Variants in LRRC49 observed in about 807,000 individuals in gnomAD.
LRRC49 encodes the protein leucine-rich repeat-containing protein 49.
Under a neutral mutation model 83.3 loss-of-function variants are expected in LRRC49, and 50 were observed. That is an observed-to-expected ratio of 0.60 (90% CI 0.48 to 0.76). LRRC49 has a LOEUF of 0.76. Among genes scored for constraint, LRRC49 ranks in the 30% least tolerant of loss-of-function variants. The probability of loss-of-function intolerance (pLI) is 0.00; values close to 1 mark genes in which losing one functional copy is unlikely to be tolerated. For synonymous variants in LRRC49, 286 were observed against 283.3 expected (o/e 1.01, Z -0.10); for missense variants, 704 against 809.1 (o/e 0.87, Z 1.58).
At chr15:70,907,217 T>C (rs1464532244) in intron 5 of LRRC49, among the ~76,000 whole-genome samples, 1 of 152,232 alleles carries the variant, frequency 6.6e-6, no homozygotes, top group Non-Finnish European at 1.5e-5. Flanking sequence ...TTGCTTCCTG[T>C]TGGTCAAGTT....
At chr15:71,037,954 T>A (rs2039575827) in intron 15 of LRRC49, among the ~76,000 whole-genome samples, 1 of 152,274 alleles carries the variant, frequency 6.6e-6, no homozygotes, top group South Asian at 2.1e-4. Flanking sequence ...AAGAAAACTA[T>A]GTAGTATTTA....
intron 11 of LRRC49, among the ~76,000 whole-genome samples, chr15:70,986,923 A>G (rs2037644091): frequency 6.6e-6 from 1 of 152,136 alleles, no homozygotes; most frequent in Non-Finnish European, 1.5e-5. Flanking sequence ...TTCTGTTTAT[A>G]TGCTGGATTA....
intron 2 of LRRC49, among the ~76,000 whole-genome samples, chr15:70,886,579 A>G (rs1372862466): frequency 2.6e-5 from 4 of 152,196 alleles, no homozygotes; most frequent in Non-Finnish European, 4.4e-5. Context: ...ATAAAAATTG[A>G]TAAACCGGTG....
At chr15:71,019,543 T>C (rs1282004039) in intron 14 of LRRC49, among the ~76,000 whole-genome samples, 3 of 152,168 alleles carry the variant, frequency 2.0e-5, no homozygotes, top group African/African-American at 4.8e-5. Context: ...CAGGGCTCCA[T>C]CTAAAATGGT....
At chr15:70,900,510 G>T (rs780097912) in intron 3 of LRRC49, 1 of 456,878 alleles carries the variant, frequency 2.2e-6, no homozygotes, top group Non-Finnish European at 4.4e-6. Context: ...AGCATTTGGA[G>T]ATTCTTCCAT....
chr15:70,894,525 A>G (rs2033745892), intron 2 of LRRC49: 2 of 729,448 alleles, frequency 2.7e-6, no homozygotes, highest in Admixed American at 3.4e-5. Context: ...TTAATTTTTG[A>G]GATTTTGAGA....
intron 11 of LRRC49, among the ~76,000 whole-genome samples, chr15:71,007,832 CTG>C (rs1246321372): frequency 6.6e-6 from 1 of 150,510 alleles, no homozygotes; most frequent in Non-Finnish European, 1.5e-5. Context: ...CTGATTATAA[CTG>C]TAGTATACAC....
chr15:70,891,567 CTGTGTGTGTGTGTGTGTGTGTGTGTGTG>C (rs3220843), upstream of LRRC49, among the ~76,000 whole-genome samples: 6 of 137,138 alleles, frequency 4.4e-5, no homozygotes, highest in South Asian at 2.5e-4. Context: ...GGACAAGACT[CTGTGTGTGTGTGTGTGTGTGTGTGTGTG>C]TGTGTGTGTG....
At chr15:70,922,199 T>G (rs2035032252) in intron 7 of LRRC49, among the ~76,000 whole-genome samples, 1 of 152,130 alleles carries the variant, frequency 6.6e-6, no homozygotes, top group African/African-American at 2.4e-5. Flanking sequence ...AGAAAGGAAG[T>G]CAGGACATGG....
At chr15:70,985,744 A>C (rs946933897) in intron 11 of LRRC49, among the ~76,000 whole-genome samples, 3 of 150,474 alleles carry the variant, frequency 2.0e-5, no homozygotes, top group African/African-American at 7.4e-5. Flanking sequence ...GTTTTCTTCT[A>C]GGGTTTTTAT....
At chr15:70,860,132 G>A (rs2032752588) in intron 1 of LRRC49, 2 of 699,434 alleles carry the variant, frequency 2.9e-6, no homozygotes, top group South Asian at 3.2e-5. Context: ...GGAAGCTGGT[G>A]TCCAAGTCCT....
intron 14 of LRRC49, among the ~76,000 whole-genome samples, chr15:71,036,302 T>C (rs1344658958): frequency 6.6e-6 from 1 of 152,136 alleles, no homozygotes; most frequent in Non-Finnish European, 1.5e-5. Flanking sequence ...CCTTTTCAAA[T>C]ATGAACATTA....
At chr15:71,025,473 A>G (rs1567105662) in intron 14 of LRRC49, among the ~76,000 whole-genome samples, 1 of 152,214 alleles carries the variant, frequency 6.6e-6, no homozygotes, top group Admixed American at 6.5e-5. Flanking sequence ...TCTGCAAAAT[A>G]ACCAGCTAGC....
intron 11 of LRRC49, among the ~76,000 whole-genome samples, chr15:70,988,366 A>T (rs2037717586): frequency 6.8e-6 from 1 of 146,590 alleles, no homozygotes; most frequent in African/African-American, 2.5e-5. Flanking sequence ...CTTCTTGTTG[A>T]ATTGATCCCT....
At chr15:70,856,709 C>T (rs1265888993) in intron 1 of LRRC49, among the ~76,000 whole-genome samples, 4 of 152,176 alleles carry the variant, frequency 2.6e-5, no homozygotes, top group Non-Finnish European at 5.9e-5. Context: ...AACTCGATCA[C>T]GTTTGCAATG....
At chr15:70,858,809 A>T (rs1465155618) in intron 1 of LRRC49, 2 of 821,074 alleles carry the variant, frequency 2.4e-6, no homozygotes, top group African/African-American at 3.3e-5. Flanking sequence ...CAGTGCCCGC[A>T]TCAGCACCTG....
At chr15:70,977,072 C>T (rs953763378) in intron 9 of LRRC49, among the ~76,000 whole-genome samples, 9 of 152,052 alleles carry the variant, frequency 5.9e-5, no homozygotes, top group Non-Finnish European at 1.5e-5. Flanking sequence ...CATACAGTTT[C>T]CAGTACTGTT....
intron 7 of LRRC49, among the ~76,000 whole-genome samples, chr15:70,922,586 A>G (rs1031122520): frequency 1.3e-5 from 2 of 152,128 alleles, no homozygotes; most frequent in African/African-American, 4.8e-5. Context: ...AAAAATAGAA[A>G]GAATGAATGA....
At chr15:70,900,826 A>G in intron 3 of LRRC49, 96 bp from the exon 4 acceptor site, 2 of 712,450 alleles carry the variant, frequency 2.8e-6, no homozygotes, top group Non-Finnish European at 4.9e-6. Flanking sequence ...TAGATAAGAT[A>G]TTTATGGTGC....
Sources: gnomAD v4.1 joint callset for allele counts (sites outside exome capture counted in the v4.1 genomes callset) on GRCh38, gnomAD v4.1.1 for gene constraint, MANE v1.5 for transcripts, NCBI Gene and HGNC (gene_info 2026-07-23, HGNC 2026-07-21) for gene names.